The following CYP4F2 variants were observed in gnomAD, a reference collection of about 807,000 sequenced individuals.
CYP4F2 encodes the protein cytochrome P450 4F2.
Under a neutral mutation model 58.9 loss-of-function variants are expected in CYP4F2, and 58 were observed. The observed-to-expected ratio is 0.98, with a 90% CI of 0.80 to 1.23. CYP4F2 has a LOEUF of 1.23. CYP4F2 is among the 50% of genes most tolerant of loss of function. The pLI, the probability that CYP4F2 is intolerant of heterozygous loss-of-function variation, is 0.00. For missense variants in CYP4F2, 616 were observed against 685.6 expected, an observed-to-expected ratio of 0.90 and a Z score of 1.13; for synonymous variants, 287 against 261.1, an observed-to-expected ratio of 1.10 and a Z score of -0.95.
Position 15,879,826 on chromosome 19 carries a change from G to C in CYP4F2, c.1187C>G (p.Pro396Arg). ...CTGGGTGACATGGCGGGAGATGACC[G>C]GGACTGGGGGATGCAGCCGCAGGCT... ...KESLRLHPPV[P>R]VISRHVTQDI... is the part of the protein sequence containing the mutation. Residue 396 changes from proline to arginine, a missense_variant, in exon 10 of 13, where the codon CCG becomes CGG. Coordinates refer to ENST00000221700, the MANE Select transcript of CYP4F2 (RefSeq NM_001082.5). 1 of 1,614,132 alleles carries C rather than the reference G, an allele frequency of 6.2e-7. No homozygotes were observed. Among genetic ancestry groups the C allele is most frequent in the Admixed American group, 1.7e-5 (1 of 60,022 alleles).
chr19:15,879,866 T>C lies in CYP4F2; in HGVS notation c.1147A>G (p.Met383Val). 1 of 1,614,112 alleles carries C rather than the reference T, an allele frequency of 6.2e-7. No individual in the cohort carries two copies. Among genetic ancestry groups the C allele is most frequent in the Non-Finnish European group, 8.5e-7 (1 of 1,180,024 alleles). ...DDLAHLPFLT[M>V]CMKESLRLHP... ...AGCCGCAGGCTCTCCTTCATGCACATGGTCAGGAAGGGCAAATGGGCCAGG... is the reference window on the plus strand; with the variant it reads ...AGCCGCAGGCTCTCCTTCATGCACACGGTCAGGAAGGGCAAATGGGCCAGG... The change falls in exon 10 of 13, where the codon ATG (methionine) becomes GTG (valine). Residue 383 changes from methionine (M) to valine (V), a missense_variant. Met to Val is a conservative substitution (Grantham distance 21). Coordinates refer to ENST00000221700, the MANE Select transcript of CYP4F2 (RefSeq NM_001082.5).
In CYP4F2 at chr19:15,889,682, T is replaced by C. The variant is rs747348767; in HGVS notation, c.659A>G (p.Glu220Gly). Residue 220 changes from glutamate (E) to glycine (G), a missense_variant, in exon 7 of 13, where the codon GAA (glutamate) becomes GGA (glycine). Physicochemically the swap from Glu to Gly is moderately conservative, Grantham distance 98. Coordinates refer to ENST00000221700, the MANE Select transcript of CYP4F2 (RefSeq NM_001082.5). ...FDSHCQEKPS[E>G]YIAAILELSA... ...GAGCTCCAAGATGGCGGCAATATATTCACTGGGTTTCCTGCAGGATAAGGG... is the reference window on the plus strand; with the variant it reads ...GAGCTCCAAGATGGCGGCAATATATCCACTGGGTTTCCTGCAGGATAAGGG... 3 of 1,613,654 alleles carry C rather than the reference T, an allele frequency of 1.9e-6. No homozygotes were observed. Among genetic ancestry groups the C allele is most frequent in the Non-Finnish European group, 2.5e-6 (3 of 1,179,610 alleles).
intron 3 of CYP4F2, among the ~76,000 whole-genome samples, chr19:15,895,218 T>G (rs529502783): frequency 7.2e-5 from 11 of 152,156 alleles, no homozygotes; most frequent in Non-Finnish European, 1.5e-4. Context: ...GTTGGGGATA[T>G]CTCTATCCAG....
intron 3 of CYP4F2, 103 bp from the exon 4 acceptor site, chr19:15,892,685 G>T: frequency 6.6e-7 from 1 of 1,521,240 alleles, no homozygotes; most frequent in South Asian, 1.3e-5. Flanking sequence ...CTCCCACTCT[G>T]AGCCCCACAT....
intron 9 of CYP4F2, among the ~76,000 whole-genome samples, chr19:15,885,032 C>G (rs2089368523): frequency 1.3e-5 from 2 of 152,092 alleles, no homozygotes; most frequent in Admixed American, 1.3e-4. Context: ...CATCTCATTA[C>G]AACTCAGTCT....
chr19:15,897,778 CA>C, intron 1 of CYP4F2, 166 bp from the exon 2 acceptor site: 1 of 766,308 alleles, frequency 1.3e-6, no homozygotes. Flanking sequence ...AAGGCCCAAC[CA>C]AAACCAGCAG....
In CYP4F2 at chr19:15,889,401, T is replaced by C. The variant is rs762276077; in HGVS notation, c.918+22A>G. The stretch of plus-strand genomic sequence containing the variant: ...ATGAAGCTCCCTTCTACTTCTTGAA[T>C]TCAGATCCCAGAGAGGCCCACCTTG... On this transcript the variant is annotated intron_variant, in intron 7 of 12. Transcript: ENST00000221700. The C allele has an allele frequency of 4.3e-6, 7 of 1,613,432 alleles. No homozygotes were observed. The South Asian group carries it at 7.7e-5, about 18-fold the overall frequency.
In CYP4F2 at chr19:15,889,690, T is replaced by C. The variant is rs762643926; in HGVS notation, c.651A>G (p.Lys217=). The C allele has an allele frequency of 3.7e-6, 6 of 1,613,434 alleles. No homozygotes were observed. Among genetic ancestry groups the C allele is most frequent in the Non-Finnish European group, 4.2e-6 (5 of 1,179,432 alleles). The stretch of plus-strand genomic sequence containing the variant: ...AGATGGCGGCAATATATTCACTGGG[T>C]TTCCTGCAGGATAAGGGCAGAAAGG... ...VFSFDSHCQE[K]PSEYIAAILE... The change falls in exon 7 of 13, where the codon AAA becomes AAG. Residue 217 remains lysine, a synonymous_variant. Transcript: ENST00000221700.
rs1277369399 is a variant in CYP4F2, at chr19:15,897,563, A to G, written c.49T>C (p.Ser17Pro). 18 of 1,613,730 alleles carry G rather than the reference A, an allele frequency of 1.1e-5. No homozygotes were observed. Among genetic ancestry groups the G allele is most frequent in the Non-Finnish European group, 1.4e-5 (16 of 1,179,932 alleles). ...ACCAGCAGGAGGAGCAGCCAAGGGG[A>G]TGCTGCCACTGGCCAGAGGCCCAGC... ...SWLGLWPVAASPWLLLLLVGA... is the reference protein window; with the variant it reads ...SWLGLWPVAAPPWLLLLLVGA... The change falls in exon 2 of 13, where the codon TCC becomes CCC. Residue 17 changes from serine to proline, a missense_variant. Coordinates refer to ENST00000221700, the MANE Select transcript of CYP4F2 (RefSeq NM_001082.5).
At chr19:15,890,461 G>T in intron 5 of CYP4F2, 28 bp from the exon 6 acceptor site, 1 of 1,613,002 alleles carries the variant, frequency 6.2e-7, no homozygotes, top group South Asian at 1.1e-5. Flanking sequence ...CAGAGCTGGG[G>T]CAGGCTCCTT....
At chr19:15,891,628 T>C (rs2089416961) in intron 5 of CYP4F2, among the ~76,000 whole-genome samples, 1 of 152,144 alleles carries the variant, frequency 6.6e-6, no homozygotes, top group Non-Finnish European at 1.5e-5. Context: ...GCTTTCGATG[T>C]CAAAATACAA....
intron 5 of CYP4F2, 133 bp from the exon 6 acceptor site, chr19:15,890,566 AC>A (rs1195092402): frequency 1.4e-6 from 2 of 1,403,944 alleles, no homozygotes; most frequent in Non-Finnish European, 1.9e-6. Context: ...CCCAGGGAGC[AC>A]CAGGTTATGG....
rs1008364074 is a variant in CYP4F2, at chr19:15,886,298, C to T, written c.929G>A (p.Gly310Glu). The T allele has an allele frequency of 3.1e-6, 5 of 1,613,802 alleles. No individual in the cohort carries two copies. The African/African-American group carries it at 6.7e-5, about 22-fold the overall frequency. ...TATGTCCTCATCAGATAACTTCTTC[C>T]CGTCTTCATCCTGGAGAGAAGGCAG... ...DVLLLSKDEDGKKLSDEDIRA... is the reference protein window; with the variant it reads ...DVLLLSKDEDEKKLSDEDIRA... Residue 310 changes from glycine (G) to glutamate (E), a missense_variant, in exon 8 of 13, where the codon GGG becomes GAG. Physicochemically the swap from Gly to Glu is moderately conservative, Grantham distance 98. Coordinates refer to ENST00000221700, the MANE Select transcript of CYP4F2 (RefSeq NM_001082.5).
intron 9 of CYP4F2, among the ~76,000 whole-genome samples, chr19:15,881,779 A>G (rs942311919): frequency 9.9e-5 from 15 of 152,022 alleles, no homozygotes; most frequent in Non-Finnish European, 2.1e-4. Flanking sequence ...GTGTGTATAT[A>G]CAATGGAATA....
chr19:15,887,648 G>A (rs1465553221), intron 7 of CYP4F2, among the ~76,000 whole-genome samples: 251 of 72,866 alleles, frequency 3.4e-3, no homozygotes, highest in Middle Eastern at 0.013. Context: ...TTAGAAACAT[G>A]GACACACAAA....
At chr19:15,879,275 T>C in intron 12 of CYP4F2, 71 bp downstream of exon 12, 2 of 1,549,858 alleles carry the variant, frequency 1.3e-6, no homozygotes, top group Non-Finnish European at 1.8e-6. Flanking sequence ...ATGTCCCCCT[T>C]TTCCCCACTG....
At chr19:15,878,998 C>A in intron 12 of CYP4F2, 62 bp from the exon 13 acceptor site, 3 of 1,589,940 alleles carry the variant, frequency 1.9e-6, no homozygotes, top group Non-Finnish European at 2.6e-6. Flanking sequence ...CCCATCAAGC[C>A]GGTAACCTGG....
rs376171822 is a variant in CYP4F2 at position 15,879,752 on chromosome 19, G to C, written c.1249+12C>G. ...CTACCCAGGAGACTCCTCCCCGTGA[G>C]GCTGTGAGCACCTTTGGGGATGACC... On this transcript the variant is annotated intron_variant, in intron 10 of 12. Transcript: ENST00000221700. 3.7e-5 allele frequency: 59 copies of C among 1,613,872 alleles called. No individual in the cohort carries two copies. In the African/African-American group the frequency reaches 6.9e-4, roughly 19 times the overall value.
chr19:15,889,553 A>C lies in CYP4F2; in HGVS notation c.788T>G (p.Val263Gly), dbSNP rs2089403656. The change falls in exon 7 of 13, where the codon GTG becomes GGG. Residue 263 changes from valine (V) to glycine (G), a missense_variant. Physicochemically the swap from Val to Gly is moderately radical, Grantham distance 109. Coordinates refer to ENST00000221700, the MANE Select transcript of CYP4F2 (RefSeq NM_001082.5). Reference protein sequence around the residue: ...GQRFRRACRLVHDFTDAVIQE... With the variant: ...GQRFRRACRLGHDFTDAVIQE... ...GATGACGGCATCTGTGAAGTCGTGC[A>C]CCAGGCGGCAGGCCCTGCGGAAACG... The C allele has an allele frequency of 1.2e-6, 2 of 1,614,180 alleles. No individual in the cohort carries two copies. The highest frequency in any genetic ancestry group is 1.1e-5 in the South Asian group (1 of 91,084).
Sources: gnomAD v4.1 joint callset for allele counts (sites outside exome capture counted in the v4.1 genomes callset) on GRCh38, gnomAD v4.1.1 for gene constraint, MANE v1.5 for transcripts, NCBI Gene and HGNC (gene_info 2026-07-23, HGNC 2026-07-21) for gene names.